Variants in TFR2 observed in about 807,000 individuals in gnomAD.
TFR2 encodes transferrin receptor 2, also known as transferrin receptor protein 2.
A neutral mutation model predicts 91.9 loss-of-function variants in TFR2; 64 were observed. That is an observed-to-expected ratio of 0.70 (90% CI 0.57 to 0.86). TFR2 has a LOEUF of 0.86. Ranked by LOEUF, TFR2 falls within the 40% of genes least tolerant of loss-of-function variation. TFR2 has a pLI of 0.00. For missense variants in TFR2, 950 were observed against 1,080.5 expected (o/e 0.88, Z 1.69); for synonymous variants, 454 against 459.6 (o/e 0.99, Z 0.15).
At chr7:100,622,059 C>T (rs1803126937) in intron 17 of TFR2, among the ~76,000 whole-genome samples, 1 of 152,184 alleles carries the variant, frequency 6.6e-6, no homozygotes, top group Admixed American at 6.6e-5. Context: ...GACAGGGTCT[C>T]ACTGTCACCC....
chr7:100,629,420 CCTGGGGGCATCCTCCATCTGCCT>C, intron 9 of TFR2, 48 bp from the exon 10 acceptor site: 1 of 1,611,046 alleles, frequency 6.2e-7, no homozygotes, highest in Non-Finnish European at 8.5e-7. Flanking sequence ...CACCCTGCAC[CCTGGGGGCATCCTCCATCTGCCT>C]GTGTCTCTCA....
At chr7:100,624,658 G>A (rs1210600488) in intron 17 of TFR2, among the ~76,000 whole-genome samples, 1 of 152,134 alleles carries the variant, frequency 6.6e-6, no homozygotes, top group Non-Finnish European at 1.5e-5. Flanking sequence ...TTGAGCCCAG[G>A]ATTTTGAGAC....
chr7:100,632,279 G>A, intron 6 of TFR2, 81 bp from the exon 7 acceptor site: 1 of 1,275,364 alleles, frequency 7.8e-7, no homozygotes, highest in Non-Finnish European at 1.1e-6. Flanking sequence ...AAATGGCAAG[G>A]CCTTTGCTTG....
chr7:100,627,363 C>T lies in TFR2; in HGVS notation c.1896G>A (p.Arg632=), dbSNP rs1291134295. 1.9e-6 allele frequency: 3 copies of T among 1,553,058 alleles called. No individual in the cohort carries two copies. Among genetic ancestry groups the T allele is most frequent in the Non-Finnish European group, 2.6e-6 (3 of 1,148,220 alleles). The change falls in exon 16 of 18, where the codon CGG becomes CGA. Residue 632 remains arginine, a synonymous_variant. Coordinates refer to ENST00000223051, the MANE Select transcript of TFR2 (RefSeq NM_003227.4). ...VAQLAGQLLI[R]LSHDRLLPLD... ...GGGGCAGCAGGCGATCGTGGCTGAG[C>T]CGGATGAGGAGCTGCCCTGCGAGCT...
chr7:100,625,717 C>G lies in TFR2; in HGVS notation c.2136+1046G>C, dbSNP rs142054574. Among the ~76,000 whole-genome samples the G allele has an allele frequency of 6.8e-3, 1,042 of 152,138 alleles. 18 individuals are homozygous for G. Among genetic ancestry groups the G allele is most frequent in the African/African-American group, 0.024 (984 of 41,500 alleles). On this transcript the variant is annotated intron_variant, in intron 17 of 17. Transcript: ENST00000223051. ...TGGGCAACATGGTAAAACCCTGTCT[C>G]TACAAAAAATAGAAAAATTTAGCCG...
chr7:100,638,797 G>C (rs2131325804), intron 3 of TFR2, among the ~76,000 whole-genome samples: 2 of 151,950 alleles, frequency 1.3e-5, no homozygotes, highest in East Asian at 3.9e-4. Context: ...GCACACATCT[G>C]TAGTCCTAGC....
intron 17 of TFR2, among the ~76,000 whole-genome samples, chr7:100,623,567 C>T (rs984495272): frequency 2.6e-5 from 4 of 152,076 alleles, no homozygotes; most frequent in African/African-American, 9.7e-5. Context: ...TACTTGAGCT[C>T]AGGAGTTTGA....
intron 6 of TFR2, 35 bp from the exon 7 acceptor site, chr7:100,632,233 A>G: frequency 6.3e-7 from 1 of 1,587,094 alleles, no homozygotes; most frequent in Non-Finnish European, 8.7e-7. Context: ...CTCCTCCCAG[A>G]AAAAAACCCG....
At chr7:100,636,153 C>G (rs1353478703) in intron 3 of TFR2, among the ~76,000 whole-genome samples, 2 of 150,062 alleles carry the variant, frequency 1.3e-5, no homozygotes, top group Non-Finnish European at 2.9e-5. Flanking sequence ...CTCCACTTCC[C>G]TGGTCACACC....
Position 100,631,855 on chromosome 7 carries a change from T to C in TFR2, c.1057A>G (p.Ser353Gly). 1.2e-6 allele frequency: 2 copies of C among 1,613,792 alleles called. No homozygotes were observed. The highest frequency in any genetic ancestry group is 1.3e-5 in the African/African-American group (1 of 74,978). Residue 353 changes from serine to glycine, a missense_variant, in exon 8 of 18, where the codon AGC becomes GGC. Coordinates refer to ENST00000223051, the MANE Select transcript of TFR2 (RefSeq NM_003227.4). ...GCACTGATGGGCTGGGCTGGGATGC[T>C]GGGAAGGCCTGATGATGCAACTGGA... ...FPPVASSGLP[S>G]IPAQPISADI...
intron 17 of TFR2, 55 bp from the exon 18 acceptor site, chr7:100,621,181 G>C: frequency 2.1e-6 from 3 of 1,435,990 alleles, no homozygotes; most frequent in Non-Finnish European, 2.8e-6. Context: ...GGGAGCAAAG[G>C]CCCGAGTCAC....
At position 100,633,868 on chromosome 7, in the gene TFR2, C is replaced by T. The variant is rs549936347; in HGVS notation, c.474-312G>A. 7.4e-4 allele frequency among the ~76,000 whole-genome samples: 112 copies of T among 151,720 alleles called. No individual in the cohort carries two copies. In the Middle Eastern group the frequency reaches 0.017, roughly 23 times the overall value. On this transcript the variant is annotated intron_variant, in intron 3 of 17. Transcript: ENST00000223051. ...GGATTACAGGCACGTGCCATCACGCCCGGCTAATTTTTGTATTTTTAGTAG... is the reference window on the plus strand; with the variant it reads ...GGATTACAGGCACGTGCCATCACGCTCGGCTAATTTTTGTATTTTTAGTAG...
rs138058874 is a variant in TFR2 at position 100,636,754 on chromosome 7, C to G, written c.474-3198G>C. ...TAGCTCCACATGTATCATCTCCCCCCACTTTCTCTTCCCTCTCCATCCCAC... is the reference window on the plus strand; with the variant it reads ...TAGCTCCACATGTATCATCTCCCCCGACTTTCTCTTCCCTCTCCATCCCAC... On this transcript the variant is annotated intron_variant, in intron 3 of 17. Transcript: ENST00000223051. Among the ~76,000 whole-genome samples the G allele has an allele frequency of 6.1e-3, 933 of 152,074 alleles. 13 individuals carry two copies. Among genetic ancestry groups the G allele is most frequent in the African/African-American group, 0.018 (751 of 41,480 alleles).
chr7:100,636,434 C>T (rs561029722), intron 3 of TFR2, among the ~76,000 whole-genome samples: 8 of 152,216 alleles, frequency 5.3e-5, no homozygotes, highest in African/African-American at 1.9e-4. Context: ...CCTTGACCTC[C>T]CAAAGTGCTG....
chr7:100,625,279 G>C (rs551187438), intron 17 of TFR2, among the ~76,000 whole-genome samples: 3 of 151,794 alleles, frequency 2.0e-5, no homozygotes, highest in Non-Finnish European at 4.4e-5. Context: ...GGCTGGTCTC[G>C]AACTCCTGAC....
At chr7:100,622,523 G>A (rs896042980) in intron 17 of TFR2, among the ~76,000 whole-genome samples, 2 of 152,116 alleles carry the variant, frequency 1.3e-5, no homozygotes, top group African/African-American at 2.4e-5. Flanking sequence ...CTCCAATTTC[G>A]GCTCTTCCAC....
rs1382036055 is a variant in TFR2, at chr7:100,631,019, C to T, written c.1140G>A (p.Trp380Ter). 1 of 1,596,904 alleles carries T rather than the reference C, an allele frequency of 6.3e-7. No individual in the cohort carries two copies. The highest frequency in any genetic ancestry group is 1.8e-5 in the Admixed American group (1 of 56,002). Residue 380 changes from tryptophan to a stop codon, truncating the protein, a stop_gained, in exon 9 of 18, where the codon TGG becomes TGA. Coordinates refer to ENST00000223051, the MANE Select transcript of TFR2 (RefSeq NM_003227.4). LOFTEE classifies it high-confidence loss of function. ...KLKGPVAPQE[W>*]QGSLLGSPYH... The stretch of plus-strand genomic sequence containing the variant: ...AAGGGGAGCCTAGGAGGCTCCCCTG[C>T]CATTCTTGGGGGGCCACAGGGCCTT...
Position 100,628,338 on chromosome 7 carries a change from GC to G in TFR2, c.1391-33del. 6 of 1,608,356 alleles carry G rather than the reference GC, an allele frequency of 3.7e-6. No individual in the cohort carries two copies. In the Admixed American group the frequency reaches 1.0e-4, roughly 27 times the overall value. On this transcript the variant is annotated intron_variant, in intron 10 of 17. Coordinates refer to ENST00000223051, the MANE Select transcript of TFR2 (RefSeq NM_003227.4). ...ACAGAGGGGAAGGAGGACAGGCTTAGCAGGGGCCAAGCAAAGACCCTCCCCT... is the reference window on the plus strand; with the variant it reads ...ACAGAGGGGAAGGAGGACAGGCTTAGAGGGGCCAAGCAAAGACCCTCCCCT...
chr7:100,620,789 T>C lies in TFR2; in HGVS notation c.*68A>G, dbSNP rs1803079352. ...GGACTCTGAGCCACCTCCCTGACCC[T>C]GAATCATTCAAGCGAGGAGCAGAGG... On this transcript the variant is annotated 3_prime_UTR_variant, in exon 18 of 18. Transcript: ENST00000223051. 9 of 1,603,584 alleles carry C rather than the reference T, an allele frequency of 5.6e-6. No homozygotes were observed. Among genetic ancestry groups the C allele is most frequent in the Non-Finnish European group, 7.7e-6 (9 of 1,172,100 alleles).
Sources: gnomAD v4.1 joint callset for allele counts (sites outside exome capture counted in the v4.1 genomes callset) on GRCh38, gnomAD v4.1.1 for gene constraint, MANE v1.5 for transcripts, NCBI Gene and HGNC (gene_info 2026-07-23, HGNC 2026-07-21) for gene names.